EYA4: variants seen among roughly 807,000 people sequenced by gnomAD.
EYA4 encodes the protein protein phosphatase EYA4.
EYA4 carries 31 observed loss-of-function variants against 87.9 expected under a neutral mutation model. The ratio of observed to expected loss-of-function variants is 0.35; its 90% CI spans 0.27 to 0.48. The LOEUF (loss-of-function observed/expected upper bound fraction) is 0.48, where lower values mean the gene tolerates loss of function less well. EYA4 is among the 20% of genes least tolerant of loss of function. The pLI is 0.99. For missense variants in EYA4, 678 were observed against 761.4 expected (o/e 0.89, Z 1.29); for synonymous variants, 263 against 270.6 (o/e 0.97, Z 0.28).
At chr6:133,249,694 C>T (rs1380332671) in intron 1 of EYA4, among the ~76,000 whole-genome samples, 1 of 152,160 alleles carries the variant, frequency 6.6e-6, no homozygotes, top group Non-Finnish European at 1.5e-5. Context: ...AACATCGCCC[C>T]TCTCCCCCTG....
intron 14 of EYA4, among the ~76,000 whole-genome samples, chr6:133,509,982 C>T (rs776559587): frequency 4.6e-5 from 7 of 151,976 alleles, no homozygotes; most frequent in African/African-American, 1.2e-4. Flanking sequence ...CTCAGGCAAC[C>T]GTCCAGAGTC....
intron 1 of EYA4, among the ~76,000 whole-genome samples, chr6:133,255,966 A>G (rs1230756205): frequency 6.6e-6 from 1 of 152,038 alleles, no homozygotes; most frequent in Non-Finnish European, 1.5e-5. Context: ...CATTTTCCAT[A>G]GAAAATACCA....
chr6:133,292,675 TAA>T (rs569866647), intron 2 of EYA4, among the ~76,000 whole-genome samples: 54 of 152,214 alleles, frequency 3.5e-4, no homozygotes, highest in Non-Finnish European at 6.8e-4. Flanking sequence ...GGAGTTGATC[TAA>T]AAGGAAAATT....
chr6:133,528,627 T>C, intron 19 of EYA4, 98 bp from the exon 20 acceptor site: 2 of 898,322 alleles, frequency 2.2e-6, no homozygotes, highest in South Asian at 1.3e-5. Flanking sequence ...CACATCCCTG[T>C]GTGTGCTGCT....
intron 2 of EYA4, among the ~76,000 whole-genome samples, chr6:133,316,798 G>C (rs10485231): frequency 4.6e-5 from 7 of 152,140 alleles, no homozygotes; most frequent in Non-Finnish European, 8.8e-5. Flanking sequence ...TTGAAGGTAC[G>C]TGTGAGCTGG....
At chr6:133,291,056 A>G (rs991670035) in intron 2 of EYA4, among the ~76,000 whole-genome samples, 9 of 152,182 alleles carry the variant, frequency 5.9e-5, no homozygotes, top group Non-Finnish European at 1.0e-4. Context: ...TTTTTCTCCT[A>G]GTTATTATTT....
chr6:133,505,619 C>T (rs1326370277), intron 13 of EYA4, among the ~76,000 whole-genome samples: 1 of 152,162 alleles, frequency 6.6e-6, no homozygotes, highest in Non-Finnish European at 1.5e-5. Context: ...TCCTGTTTCA[C>T]CTCCAGATAA....
chr6:133,246,303 C>A (rs892800078), intron 1 of EYA4, among the ~76,000 whole-genome samples: 1 of 152,114 alleles, frequency 6.6e-6, no homozygotes, highest in African/African-American at 2.4e-5. Flanking sequence ...CAGAAATTCT[C>A]ATTTTTTTCC....
intron 19 of EYA4, 116 bp downstream of exon 19, chr6:133,525,370 G>T (rs1199160292): frequency 4.8e-6 from 4 of 834,298 alleles, no homozygotes; most frequent in Non-Finnish European, 8.2e-6. Flanking sequence ...TAGATGCAAA[G>T]CAATAAGAGC....
chr6:133,411,109 G>A (rs1789191684), intron 3 of EYA4, among the ~76,000 whole-genome samples: 1 of 151,958 alleles, frequency 6.6e-6, no homozygotes, highest in Admixed American at 6.6e-5. Flanking sequence ...AGCAACAAAC[G>A]GTTTAACACT....
At chr6:133,342,602 T>G (rs1238914003) in intron 2 of EYA4, among the ~76,000 whole-genome samples, 1 of 142,992 alleles carries the variant, frequency 7.0e-6, no homozygotes, top group African/African-American at 2.7e-5. Context: ...TATATATATA[T>G]ATAATTCTTT....
intron 10 of EYA4, 103 bp downstream of exon 10, chr6:133,464,961 C>A (rs991822836): frequency 8.1e-5 from 59 of 727,446 alleles, no homozygotes; most frequent in Non-Finnish European, 1.3e-4. Flanking sequence ...AATAAGGTTT[C>A]TTTATTTAAA....
intron 11 of EYA4, among the ~76,000 whole-genome samples, chr6:133,469,710 C>T (rs1795163698): frequency 6.6e-6 from 1 of 151,700 alleles, no homozygotes; most frequent in African/African-American, 2.4e-5. Flanking sequence ...TGTAAGCCTA[C>T]ATCTAAAAAG....
In EYA4 at chr6:133,525,245, A is replaced by G. The variant is rs1179513410; in HGVS notation, c.1830A>G (p.Ala610=). The G allele has an allele frequency of 1.2e-5, 19 of 1,612,994 alleles. No individual in the cohort carries two copies. The highest frequency in any genetic ancestry group is 1.4e-5 in the Non-Finnish European group (16 of 1,179,242). The change falls in exon 19 of 20, where the codon GCA becomes GCG. Residue 610 remains alanine (A), a synonymous_variant. Coordinates refer to ENST00000355286, the MANE Select transcript of EYA4 (RefSeq NM_004100.5). The part of the protein sequence containing the change: ...VIGDGVEEEQ[A]AKKHNMPFWR... The stretch of plus-strand genomic sequence containing the variant: ...GGGATGGTGTAGAAGAAGAACAGGC[A>G]GCAAAAAAGGTAACCTGTCTCAAAC...
At chr6:133,418,853 G>T (rs139830083) in intron 3 of EYA4, among the ~76,000 whole-genome samples, 1 of 151,996 alleles carries the variant, frequency 6.6e-6, no homozygotes, top group African/African-American at 2.4e-5. Flanking sequence ...GAGAGAAAAC[G>T]GTAAACCCAG....
chr6:133,340,529 T>C (rs749052911), intron 2 of EYA4, among the ~76,000 whole-genome samples: 11 of 152,060 alleles, frequency 7.2e-5, no homozygotes, highest in Non-Finnish European at 1.2e-4. Flanking sequence ...GATAAGGTGG[T>C]GTTTATACAG....
chr6:133,385,693 T>C (rs1028902053), intron 3 of EYA4, among the ~76,000 whole-genome samples: 2 of 152,284 alleles, frequency 1.3e-5, no homozygotes, highest in African/African-American at 4.8e-5. Context: ...AGATGGAAAG[T>C]GTTTTTACAG....
intron 11 of EYA4, among the ~76,000 whole-genome samples, chr6:133,481,114 GGA>G (rs1323571854): frequency 6.6e-6 from 1 of 151,972 alleles, no homozygotes; most frequent in Non-Finnish European, 1.5e-5. Flanking sequence ...GTGGAGGGAT[GGA>G]ATTGATCCAG....
Position 133,498,305 on chromosome 6 carries a change from C to A in EYA4, c.1192-7801C>A, listed in dbSNP as rs958761824. On this transcript the variant is annotated intron_variant, in intron 13 of 19. Coordinates refer to ENST00000355286, the MANE Select transcript of EYA4 (RefSeq NM_004100.5). ...AAATTCTGCCTCTCCCTCCTAGTAC[C>A]CATGTGACCTTGAGTAGTTTATTTA... Among the ~76,000 whole-genome samples the A allele has an allele frequency of 2.0e-5, 3 of 152,072 alleles. 1 individual carries two copies. Among genetic ancestry groups the A allele is most frequent in the African/African-American group, 7.2e-5 (3 of 41,392 alleles).
Sources: gnomAD v4.1 joint callset for allele counts (sites outside exome capture counted in the v4.1 genomes callset) on GRCh38, gnomAD v4.1.1 for gene constraint, MANE v1.5 for transcripts, NCBI Gene and HGNC (gene_info 2026-07-23, HGNC 2026-07-21) for gene names.